The following SERP2 variants were observed in gnomAD, a reference collection of about 807,000 sequenced individuals.
The protein encoded by SERP2 is stress-associated endoplasmic reticulum protein 2.
SERP2 carries 6 observed loss-of-function variants against 9.1 expected under a neutral mutation model. The observed-to-expected ratio is 0.66, with a 90% CI of 0.36 to 1.30. SERP2 has a LOEUF of 1.30. Among genes scored for constraint, SERP2 ranks in the 50% most tolerant of loss-of-function variants. The pLI, the probability that SERP2 is intolerant of heterozygous loss-of-function variation, is 0.03. For synonymous variants in SERP2, 37 were observed against 27.3 expected (o/e 1.35, Z -1.10); for missense variants, 58 against 81.9 (o/e 0.71, Z 1.13).
chr13:44,393,450 A>T (rs1228028574), intron 2 of SERP2, among the ~76,000 whole-genome samples: 1 of 152,156 alleles, frequency 6.6e-6, no homozygotes, highest in Non-Finnish European at 1.5e-5. Context: ...AGGTAGGAGG[A>T]TGCAGAGGCT....
chr13:44,379,088 T>A (rs1439079690), intron 1 of SERP2, among the ~76,000 whole-genome samples: 1 of 152,242 alleles, frequency 6.6e-6, no homozygotes, highest in African/African-American at 2.4e-5. Context: ...CTGTGCTCTC[T>A]GATCCTGCTT....
chr13:44,394,649 C>T (rs760488964), intron 2 of SERP2, among the ~76,000 whole-genome samples: 7 of 152,166 alleles, frequency 4.6e-5, no homozygotes, highest in Non-Finnish European at 7.3e-5. Context: ...CTTATGTCAT[C>T]GTATTTATTC....
At chr13:44,374,157 GGTGGGGCGGAA>G in intron 1 of SERP2, 48 bp downstream of exon 1, 12 of 1,057,572 alleles carry the variant, frequency 1.1e-5, no homozygotes, top group Non-Finnish European at 1.4e-5. Flanking sequence ...AGCCCGGCGG[GGTGGGGCGGAA>G]GGTGGGGGCG....
chr13:44,394,089 C>T (rs1274169985), intron 2 of SERP2, among the ~76,000 whole-genome samples: 2 of 152,074 alleles, frequency 1.3e-5, no homozygotes, highest in Non-Finnish European at 2.9e-5. Context: ...ATATCAGTGT[C>T]GCTGTTCTGA....
At chr13:44,388,834 G>C (rs1423057120) in intron 2 of SERP2, among the ~76,000 whole-genome samples, 1 of 152,300 alleles carries the variant, frequency 6.6e-6, no homozygotes, top group South Asian at 2.1e-4. Context: ...GTCTCTCCCT[G>C]TATGAATGTG....
At chr13:44,394,622 A>G (rs1208567659) in intron 2 of SERP2, among the ~76,000 whole-genome samples, 1 of 152,224 alleles carries the variant, frequency 6.6e-6, no homozygotes, top group Non-Finnish European at 1.5e-5. Flanking sequence ...GCGAGAAGTA[A>G]TATTTTTGAG....
intron 1 of SERP2, among the ~76,000 whole-genome samples, chr13:44,377,221 T>A (rs1396234838): frequency 6.6e-6 from 1 of 152,264 alleles, no homozygotes; most frequent in Admixed American, 6.5e-5. Flanking sequence ...TTTTTCTGCA[T>A]ATGAAAAATA....
At chr13:44,382,843 T>G (rs1872076841) in intron 2 of SERP2, among the ~76,000 whole-genome samples, 1 of 152,090 alleles carries the variant, frequency 6.6e-6, no homozygotes, top group African/African-American at 2.4e-5. Context: ...TTGCAGGCAT[T>G]GGGAGAGGCA....
In SERP2 at chr13:44,379,630, T is replaced by G. The variant is rs1366574029; in HGVS notation, c.85-11T>G. ...ATGAACCTAATCTTACTTTTTCCCA[T>G]TCCCTTTTAGAGGCCGCAAGAGGAG... On this transcript the variant is annotated splice_polypyrimidine_tract_variant and intron_variant, in intron 1 of 2. Transcript: ENST00000379179. 6.2e-7 allele frequency: 1 copy of G among 1,604,920 alleles called. No homozygotes were observed. Among genetic ancestry groups the G allele is most frequent in the Non-Finnish European group, 8.5e-7 (1 of 1,174,052 alleles).
rs372042426 is a variant in SERP2 at position 44,375,601 on chromosome 13, G to C, written c.84+1492G>C. Among the ~76,000 whole-genome samples, 4 of 152,150 alleles carry C rather than the reference G, an allele frequency of 2.6e-5. No homozygotes were observed. The South Asian group carries it at 6.2e-4, about 24-fold the overall frequency. On this transcript the variant is annotated intron_variant, in intron 1 of 2. Transcript: ENST00000379179. ...GGCATGCAGGGTTTTATATCCCTAA[G>C]AGATCAATTCTTCCTTCTCAAGGGA...
intron 2 of SERP2, among the ~76,000 whole-genome samples, chr13:44,396,370 CT>C (rs1257420367): frequency 6.6e-6 from 1 of 150,520 alleles, no homozygotes; most frequent in East Asian, 2.0e-4. Flanking sequence ...GGTAAGACCC[CT>C]GAGAGCTCAG....
At position 44,373,944 on chromosome 13, in the gene SERP2, C is replaced by G; in HGVS notation, c.-82C>G. ...GCGCCCGGGTGGGCCGCGGGGGCCT[C>G]GGCGGGACGCGCTCGGCCCTGTCGC... On this transcript the variant is annotated 5_prime_UTR_variant, in exon 1 of 3. Coordinates refer to ENST00000379179, the MANE Select transcript of SERP2 (RefSeq NM_001010897.3). The surrounding 1 kb of genome is among the most constrained non-coding windows in gnomAD (Gnocchi z 4.8). 7.4e-7 allele frequency: 1 copy of G among 1,346,178 alleles called. No individual in the cohort carries two copies. Among genetic ancestry groups the G allele is most frequent in the Non-Finnish European group, 1.0e-6 (1 of 977,828 alleles). 83.4% of individuals were successfully genotyped at this position (1,346,178 alleles called of 1,614,324 possible).
intron 1 of SERP2, among the ~76,000 whole-genome samples, chr13:44,377,088 C>CA (rs1285177819): frequency 4.6e-5 from 7 of 151,640 alleles, no homozygotes; most frequent in Admixed American, 1.3e-4. Flanking sequence ...CCAAAGCTGT[C>CA]AAAAAAAAGA....
chr13:44,397,367 A>C lies in SERP2; in HGVS notation c.*55A>C, dbSNP rs41288337. The C allele has an allele frequency of 0.033, 46,151 of 1,393,814 alleles. 987 individuals are homozygous for C. Among genetic ancestry groups the C allele is most frequent in the Middle Eastern group, 0.056 (313 of 5,624 alleles). 86.3% of individuals were successfully genotyped at this position (1,393,814 alleles called of 1,614,324 possible). A position where few individuals can be genotyped will look rare whatever the true frequency, so the allele number is the denominator to read the frequency against. On this transcript the variant is annotated 3_prime_UTR_variant, in exon 3 of 3. Transcript: ENST00000379179. Reference sequence around the variant, plus strand: ...CCCACTGGAGGCGGGAGGACAACGGAAGCGGTCAGCCAGTTTCTGCGGGAA... The same window carrying C: ...CCCACTGGAGGCGGGAGGACAACGGCAGCGGTCAGCCAGTTTCTGCGGGAA...
At chr13:44,390,252 G>T (rs1295114289) in intron 2 of SERP2, 2 of 337,790 alleles carry the variant, frequency 5.9e-6, no homozygotes, top group African/African-American at 4.3e-5. Context: ...GATGGAGAAA[G>T]ACTTGACCCA....
At chr13:44,375,847 G>A (rs1241378992) in intron 1 of SERP2, among the ~76,000 whole-genome samples, 1 of 151,982 alleles carries the variant, frequency 6.6e-6, no homozygotes, top group South Asian at 2.1e-4. Flanking sequence ...AAAATGTTTG[G>A]GACCCAAAAC....
intron 2 of SERP2, among the ~76,000 whole-genome samples, chr13:44,385,910 G>A (rs1026640664): frequency 5.3e-5 from 8 of 152,230 alleles, no homozygotes; most frequent in African/African-American, 1.2e-4. Context: ...GGGGCACCAC[G>A]GGACCATCGG....
intron 2 of SERP2, among the ~76,000 whole-genome samples, chr13:44,393,688 G>A (rs1018006386): frequency 3.3e-5 from 5 of 152,076 alleles, no homozygotes; most frequent in Admixed American, 1.3e-4. Flanking sequence ...TAGACTCCCC[G>A]CTTCCTTTCC....
chr13:44,374,168 A>AGGGGGGGGGGGGGG, intron 1 of SERP2, 59 bp downstream of exon 1: 1 of 88,800 alleles, frequency 1.1e-5, no homozygotes. Flanking sequence ...GTGGGGCGGA[A>AGGGGGGGGGGGGGG]GGTGGGGGCG....
Sources: gnomAD v4.1 joint callset for allele counts (sites outside exome capture counted in the v4.1 genomes callset) on GRCh38, gnomAD v4.1.1 for gene constraint, Gnocchi (gnomAD v3.1) non-coding constraint, MANE v1.5 for transcripts, NCBI Gene and HGNC (gene_info 2026-07-23, HGNC 2026-07-21) for gene names.